The following PAK1 variants were observed in gnomAD, a reference collection of about 807,000 sequenced individuals.
The protein encoded by PAK1 is p21 (RAC1) activated kinase 1, also known as serine/threonine-protein kinase PAK 1.
PAK1 carries 29 observed loss-of-function variants against 67.4 expected under a neutral mutation model. The ratio of observed to expected loss-of-function variants is 0.43; its 90% CI spans 0.32 to 0.59. The LOEUF (loss-of-function observed/expected upper bound fraction) is 0.59, where lower values mean the gene tolerates loss of function less well. PAK1 is among the 20% of genes least tolerant of loss of function. The probability of loss-of-function intolerance (pLI) is 0.07; values close to 1 mark genes in which losing one functional copy is unlikely to be tolerated. For missense variants in PAK1, 337 were observed against 670.7 expected, an observed-to-expected ratio of 0.50 and a Z score of 5.50; for synonymous variants, 223 against 237.4, an observed-to-expected ratio of 0.94 and a Z score of 0.56.
At chr11:77,365,495 A>C (rs1947423671) in intron 5 of PAK1, among the ~76,000 whole-genome samples, 1 of 152,026 alleles carries the variant, frequency 6.6e-6, no homozygotes, top group Non-Finnish European at 1.5e-5. Context: ...ATTAAACTAC[A>C]GATCCAAGAA....
At chr11:77,368,118 G>A (rs566659154) in intron 5 of PAK1, among the ~76,000 whole-genome samples, 4 of 152,262 alleles carry the variant, frequency 2.6e-5, no homozygotes, top group South Asian at 2.1e-4. Flanking sequence ...TTTCCAGGCC[G>A]AAAGAGTTCA....
At chr11:77,477,720 A>G (rs542326731), upstream of PAK1, among the ~76,000 whole-genome samples, 160 of 152,198 alleles carry the variant, frequency 1.1e-3, no homozygotes, top group African/African-American at 3.7e-3. Flanking sequence ...ACACCTTTGC[A>G]CTTCAGTCTG....
At chr11:77,523,494 A>G in the PAK1 span, among the ~76,000 whole-genome samples, 1 of 149,944 alleles carries the variant, frequency 6.7e-6, no homozygotes, top group Admixed American at 6.7e-5. Context: ...ATCTCAGCTC[A>G]CCACAACCTC....
chr11:77,371,258 C>A (rs961511878), intron 5 of PAK1, among the ~76,000 whole-genome samples: 1 of 152,210 alleles, frequency 6.6e-6, no homozygotes, highest in African/African-American at 2.4e-5. Context: ...GTTTGTTAAA[C>A]GAACAAAGCT....
Position 77,353,608 on chromosome 11 carries a change from G to C in PAK1, c.773-9C>G. 6.3e-7 allele frequency: 1 copy of C among 1,597,218 alleles called. No homozygotes were observed. Among genetic ancestry groups the C allele is most frequent in the Non-Finnish European group, 8.6e-7 (1 of 1,164,862 alleles). ...CACACTCACTATGCTTCCTTTGAAA[G>C]AAACAGAGACCATGAATCATTTTTT... is the stretch of plus-strand genomic sequence containing the variant. On this transcript the variant is annotated splice_polypyrimidine_tract_variant and intron_variant, in intron 7 of 14. Coordinates refer to ENST00000356341, the MANE Select transcript of PAK1 (RefSeq NM_002576.5).
the PAK1 span, among the ~76,000 whole-genome samples, chr11:77,484,458 T>C: frequency 2.0e-5 from 3 of 152,226 alleles, no homozygotes; most frequent in Non-Finnish European, 4.4e-5. Context: ...TAGTGTACCC[T>C]CTACTACAGA....
At chr11:77,486,355 A>G in the PAK1 span, among the ~76,000 whole-genome samples, 1 of 152,142 alleles carries the variant, frequency 6.6e-6, no homozygotes, top group Admixed American at 6.6e-5. Flanking sequence ...AAAGTTGACA[A>G]TTGCAGAGGA....
chr11:77,498,538 G>T, the PAK1 span, among the ~76,000 whole-genome samples: 2 of 151,956 alleles, frequency 1.3e-5, no homozygotes, highest in Non-Finnish European at 2.9e-5. Context: ...TGGCCTCTCT[G>T]CCTTGTCTTA....
At chr11:77,374,263 A>G in intron 5 of PAK1, 65 bp downstream of exon 5, 1 of 1,081,982 alleles carries the variant, frequency 9.2e-7, no homozygotes, top group Non-Finnish European at 1.4e-6. Flanking sequence ...CTCTGCCTCT[A>G]CCACACTGTC....
At chr11:77,472,671 A>T (rs930717331) in intron 1 of PAK1, among the ~76,000 whole-genome samples, 2 of 152,230 alleles carry the variant, frequency 1.3e-5, no homozygotes, top group African/African-American at 4.8e-5. Flanking sequence ...TTGAAAGAGA[A>T]CCCAAAAATG....
intron 1 of PAK1, among the ~76,000 whole-genome samples, chr11:77,456,166 T>G (rs1364416380): frequency 1.3e-5 from 2 of 152,098 alleles, no homozygotes; most frequent in African/African-American, 4.8e-5. Context: ...TACTAAGCAC[T>G]AATAACTGTA....
At chr11:77,347,724 G>C (rs1360241820) in intron 9 of PAK1, among the ~76,000 whole-genome samples, 1 of 152,058 alleles carries the variant, frequency 6.6e-6, no homozygotes, top group Non-Finnish European at 1.5e-5. Flanking sequence ...CATAAGGTGT[G>C]GCATAAAGCA....
the PAK1 span, among the ~76,000 whole-genome samples, chr11:77,504,094 T>C: frequency 6.6e-6 from 1 of 152,164 alleles, no homozygotes; most frequent in South Asian, 2.1e-4. Context: ...GGTTTTACCA[T>C]GTTGGCCAGG....
intron 1 of PAK1, among the ~76,000 whole-genome samples, chr11:77,404,960 T>A (rs1953263207): frequency 6.6e-6 from 1 of 152,152 alleles, no homozygotes; most frequent in Admixed American, 6.5e-5. Context: ...CAATATCAAG[T>A]CCACGTGTAT....
intron 6 of PAK1, among the ~76,000 whole-genome samples, chr11:77,357,896 A>G (rs1165416832): frequency 2.7e-5 from 4 of 149,464 alleles, no homozygotes; most frequent in East Asian, 2.1e-4. Flanking sequence ...TTTAGTGGGG[A>G]AAAAAATGTT....
intron 1 of PAK1, chr11:77,397,291 G>A (rs1417719868): frequency 1.3e-5 from 2 of 152,176 alleles, no homozygotes; most frequent in Non-Finnish European, 2.9e-5. Context: ...TGAATCAACT[G>A]AATGACTCTA....
At position 77,322,929 on chromosome 11, in the gene PAK1, G is replaced by A; in HGVS notation, c.*345C>T. On this transcript the variant is annotated 3_prime_UTR_variant, in exon 15 of 15. Coordinates refer to ENST00000356341, the MANE Select transcript of PAK1 (RefSeq NM_002576.5). Reference sequence around the variant, plus strand: ...TATTATCAAACCATAAATTTATATAGTCAAGAATTAATTGTGGGAGATGGT... The same window carrying A: ...TATTATCAAACCATAAATTTATATAATCAAGAATTAATTGTGGGAGATGGT... The A allele has an allele frequency of 1.7e-6, 1 of 580,254 alleles. No individual in the cohort carries two copies. Among genetic ancestry groups the A allele is most frequent in the South Asian group, 2.3e-5 (1 of 44,240 alleles). 35.9% of individuals were successfully genotyped at this position (580,254 alleles called of 1,614,324 possible).
intron 14 of PAK1, among the ~76,000 whole-genome samples, chr11:77,329,736 C>T (rs1196650902): frequency 7.2e-5 from 11 of 151,982 alleles, no homozygotes; most frequent in Non-Finnish European, 1.3e-4. Context: ...GACAGGGATG[C>T]CCTCTCTCAC....
intron 5 of PAK1, among the ~76,000 whole-genome samples, chr11:77,370,328 G>C (rs17135582): frequency 0.032 from 4,914 of 152,132 alleles, 132 homozygotes; most frequent in African/African-American, 0.075. Context: ...GTTTCTCTCT[G>C]AGGCCCCTAT....
Sources: allele counts gnomAD v4.1 joint callset (sites outside exome capture counted in the v4.1 genomes callset), GRCh38; gene constraint gnomAD v4.1.1; transcripts MANE v1.5; gene names NCBI Gene and HGNC (gene_info 2026-07-23, HGNC 2026-07-21).